Variants in SP100 observed in about 807,000 individuals in gnomAD.
The protein encoded by SP100 is SP100 nuclear body protein, also known as nuclear autoantigen Sp-100.
A neutral mutation model predicts 130.0 loss-of-function variants in SP100; 84 were observed. The ratio of observed to expected loss-of-function variants is 0.65; its 90% CI spans 0.54 to 0.77. The LOEUF (loss-of-function observed/expected upper bound fraction) is 0.77. Among genes scored for constraint, SP100 ranks in the 30% least tolerant of loss-of-function variants. The pLI is 0.00. For missense variants in SP100, 978 were observed against 1,052.2 expected, an observed-to-expected ratio of 0.93 and a Z score of 0.97; for synonymous variants, 331 against 351.7, an observed-to-expected ratio of 0.94 and a Z score of 0.66.
chr2:230,493,683 G>C (rs763451224), intron 17 of SP100: 4 of 150,388 alleles, frequency 2.7e-5, no homozygotes, highest in Non-Finnish European at 4.4e-5. Flanking sequence ...CTTAAGTTCT[G>C]GCTGTTATAA....
At chr2:230,448,943 C>T (rs2063835850) in intron 5 of SP100, 145 bp from the exon 6 acceptor site, 1 of 675,060 alleles carries the variant, frequency 1.5e-6, no homozygotes, top group Admixed American at 2.3e-5. Context: ...AATTAGGTAG[C>T]ATCTGCCAGC....
At chr2:230,499,903 G>C (rs998494568) in intron 19 of SP100, among the ~76,000 whole-genome samples, 1 of 152,070 alleles carries the variant, frequency 6.6e-6, no homozygotes, top group Non-Finnish European at 1.5e-5. Context: ...GAGAAATGTG[G>C]CCTCTCTCAT....
chr2:230,447,528 G>A (rs762190463), intron 5 of SP100, among the ~76,000 whole-genome samples: 19 of 152,310 alleles, frequency 1.2e-4, no homozygotes, highest in South Asian at 6.2e-4. Context: ...GGAGGTTCCC[G>A]CAAGCCCTTC....
rs1691047072 is a variant in SP100, at chr2:230,518,970, CT to C, written c.2094+7807del. ...CTGTTACTACAGAGAGGTTTTATAGCTTTGATTTTAAAATTTTGGTCATGAA... is the reference window on the plus strand; with the variant it reads ...CTGTTACTACAGAGAGGTTTTATAGCTTGATTTTAAAATTTTGGTCATGAA... On this transcript the variant is annotated intron_variant, in intron 24 of 28. Coordinates refer to ENST00000340126, the MANE Select transcript of SP100 (RefSeq NM_001080391.2). Among the ~76,000 whole-genome samples the C allele has an allele frequency of 4.6e-5, 7 of 152,222 alleles. No individual in the cohort carries two copies. The South Asian group carries it at 1.5e-3, about 32-fold the overall frequency.
chr2:230,425,208 G>C (rs2062890279), intron 2 of SP100, among the ~76,000 whole-genome samples: 1 of 152,074 alleles, frequency 6.6e-6, no homozygotes, highest in Non-Finnish European at 1.5e-5. Context: ...ATACATTATT[G>C]TTAACTATAG....
chr2:230,428,505 C>T (rs968459341), intron 2 of SP100, among the ~76,000 whole-genome samples: 11 of 151,420 alleles, frequency 7.3e-5, no homozygotes, highest in Non-Finnish European at 1.2e-4. Context: ...TGCGGTGGCG[C>T]GATCTCAGCT....
chr2:230,431,410 C>T (rs1433350075), intron 2 of SP100, among the ~76,000 whole-genome samples: 1 of 152,192 alleles, frequency 6.6e-6, no homozygotes, highest in Non-Finnish European at 1.5e-5. Context: ...GGGGTAGGAG[C>T]AACACAGTCA....
intron 10 of SP100, chr2:230,463,711 G>C (rs1678201): frequency 0.24 from 41,772 of 171,462 alleles, 5,834 homozygotes; most frequent in Non-Finnish European, 0.32. Flanking sequence ...GCACTGGGTT[G>C]GTGGGAGGTA....
rs767121927 is a variant in SP100, at chr2:230,541,346, T to C, written c.2377T>C (p.Cys793Arg). 1.9e-6 allele frequency: 3 copies of C among 1,614,078 alleles called. No homozygotes were observed. The highest frequency in any genetic ancestry group is 2.2e-5 in the South Asian group (2 of 91,078). Residue 793 changes from cysteine to arginine, a missense_variant, in exon 27 of 29, where the codon TGC becomes CGC. Coordinates refer to ENST00000340126, the MANE Select transcript of SP100 (RefSeq NM_001080391.2). ...GAAGGTCTACTGTGATTCGAAAAGC[T>C]GCTTTTTCGCCTCAGAACCGTATTA... is the stretch of plus-strand genomic sequence containing the variant. Reference protein sequence around the residue: ...LLKVYCDSKSCFFASEPYYNR... With the variant: ...LLKVYCDSKSRFFASEPYYNR...
intron 21 of SP100, among the ~76,000 whole-genome samples, chr2:230,505,572 A>G (rs1690022226): frequency 6.6e-6 from 1 of 152,176 alleles, no homozygotes; most frequent in South Asian, 2.1e-4. Context: ...TATTATGAGA[A>G]AAAAATAAAA....
intron 17 of SP100, among the ~76,000 whole-genome samples, chr2:230,492,115 G>A (rs939898175): frequency 4.0e-5 from 6 of 151,876 alleles, no homozygotes; most frequent in Non-Finnish European, 8.8e-5. Context: ...CCATTCCATT[G>A]TCCAGTCTTT....
chr2:230,476,225 T>C (rs2065539904), intron 17 of SP100, among the ~76,000 whole-genome samples: 1 of 152,252 alleles, frequency 6.6e-6, no homozygotes, highest in South Asian at 2.1e-4. Flanking sequence ...AGCAGTGTTT[T>C]GTACTTCTTC....
At chr2:230,449,419 T>G (rs6740015) in intron 6 of SP100, 142 bp from the exon 7 acceptor site, 28,738 of 938,170 alleles carry the variant, frequency 0.031, 650 homozygotes, top group Non-Finnish European at 0.038. Context: ...CTTCACCATT[T>G]TCTGCCTGCA....
At chr2:230,419,939 A>G (rs1286622690) in intron 2 of SP100, among the ~76,000 whole-genome samples, 1 of 152,164 alleles carries the variant, frequency 6.6e-6, no homozygotes, top group Non-Finnish European at 1.5e-5. Flanking sequence ...TTTAGTTACT[A>G]TGATTTTATA....
At chr2:230,471,732 A>G (rs1200013182) in intron 15 of SP100, among the ~76,000 whole-genome samples, 1 of 152,108 alleles carries the variant, frequency 6.6e-6, no homozygotes, top group Non-Finnish European at 1.5e-5. Context: ...GGGCTCCTGA[A>G]TGGAGGGAGG....
chr2:230,512,672 C>G (rs918243004), intron 24 of SP100, among the ~76,000 whole-genome samples: 2 of 152,092 alleles, frequency 1.3e-5, no homozygotes, highest in East Asian at 3.8e-4. Flanking sequence ...TTCCACAGAC[C>G]GGGATGGGGT....
At chr2:230,418,711 T>C (rs970295111) in intron 2 of SP100, among the ~76,000 whole-genome samples, 3 of 152,228 alleles carry the variant, frequency 2.0e-5, no homozygotes, top group Non-Finnish European at 4.4e-5. Context: ...CGTTGATTGA[T>C]TAAATTATCC....
At chr2:230,478,878 TG>T (rs1386342153) in intron 17 of SP100, among the ~76,000 whole-genome samples, 1 of 151,982 alleles carries the variant, frequency 6.6e-6, no homozygotes. Flanking sequence ...CAGAGTGCAG[TG>T]GTGCAATCTC....
At chr2:230,447,715 C>T (rs1316499964) in intron 5 of SP100, among the ~76,000 whole-genome samples, 32 of 152,248 alleles carry the variant, frequency 2.1e-4, no homozygotes, top group Non-Finnish European at 1.5e-5. Flanking sequence ...TCTCCTGGCA[C>T]TTCCATGTGT....
Sources: allele counts gnomAD v4.1 joint callset (sites outside exome capture counted in the v4.1 genomes callset), GRCh38; gene constraint gnomAD v4.1.1; transcripts MANE v1.5; gene names NCBI Gene and HGNC (gene_info 2026-07-23, HGNC 2026-07-21).